CEP290: variants seen among roughly 807,000 people sequenced by gnomAD.
CEP290 encodes centrosomal protein 290, also known as centrosomal protein of 290 kDa.
Under a neutral mutation model 344.9 loss-of-function variants are expected in CEP290, and 317 were observed. That is an observed-to-expected ratio of 0.92 (90% CI 0.84 to 1.01). The LOEUF is 1.01. Ranked by LOEUF, CEP290 falls within the 50% of genes least tolerant of loss-of-function variation. CEP290 has a pLI of 0.00. For missense variants in CEP290, 2,754 were observed against 2,761.4 expected (o/e 1.00, Z 0.06); for synonymous variants, 932 against 895.8 (o/e 1.04, Z -0.72).
chr12:88,130,683 T>C, intron 7 of CEP290, 118 bp from the exon 8 acceptor site: 2 of 684,190 alleles, frequency 2.9e-6, no homozygotes, highest in Non-Finnish European at 2.3e-6. Flanking sequence ...CATATTATCT[T>C]GAATAACCAA....
At chr12:88,105,239 A>G (rs1484649188) in intron 25 of CEP290, among the ~76,000 whole-genome samples, 5 of 152,238 alleles carry the variant, frequency 3.3e-5, no homozygotes, top group Non-Finnish European at 5.9e-5. Flanking sequence ...TCAAGACAAT[A>G]TAAGAGTCAA....
rs1222421581 is a variant in CEP290, at chr12:88,136,708, G to T, written c.376C>A (p.Gln126Lys). The change falls in exon 6 of 54, where the codon CAA becomes AAA. Residue 126 changes from glutamine (Q) to lysine (K), a missense_variant. Transcript: ENST00000552810. ...ATGTCCTCCAATTCTCTATCTTTTT[G>T]TTCTAATTGTTTTTCAAGTTGGCAA... ...EICQLEKQLE[Q>K]KDRELEDMEK... 3.1e-6 allele frequency: 5 copies of T among 1,613,192 alleles called. No homozygotes were observed. Among genetic ancestry groups the T allele is most frequent in the Admixed American group, 3.3e-5 (2 of 59,936 alleles).
chr12:88,077,100 A>T, intron 41 of CEP290, 122 bp downstream of exon 41: 1 of 925,112 alleles, frequency 1.1e-6, no homozygotes. Context: ...CCTCAAAATT[A>T]ATACAGAATT....
At chr12:88,109,286 A>G (rs2038510323) in intron 22 of CEP290, 105 bp from the exon 23 acceptor site, 1 of 525,980 alleles carries the variant, frequency 1.9e-6, no homozygotes. Flanking sequence ...GGAAAGTTAA[A>G]AGTCACCAAA....
At chr12:88,094,968 T>A (rs1352034244) in intron 27 of CEP290, among the ~76,000 whole-genome samples, 1 of 152,188 alleles carries the variant, frequency 6.6e-6, no homozygotes, top group Non-Finnish European at 1.5e-5. Context: ...TACTTCATTA[T>A]GTTCTGTATT....
rs1343625012 is a variant in CEP290, at chr12:88,079,131, A to G, written c.5325T>C (p.Asn1775=). The G allele has an allele frequency of 1.3e-6, 2 of 1,597,564 alleles. No homozygotes were observed. The highest frequency in any genetic ancestry group is 2.3e-5 in the South Asian group (2 of 87,178). ...TATGTCGATCAACGATTTGTTGAAC[A>G]TTGAGATGGGCCTCTTTTTGAGAAG... is the stretch of plus-strand genomic sequence containing the variant. The part of the protein sequence containing the change: ...SATSQKEAHL[N]VQQIVDRHTR... Residue 1775 remains asparagine (N), a synonymous_variant, in exon 39 of 54, where the codon AAT becomes AAC. Coordinates refer to ENST00000552810, the MANE Select transcript of CEP290 (RefSeq NM_025114.4).
chr12:88,063,415 A>G (rs934047084), intron 45 of CEP290, among the ~76,000 whole-genome samples: 3 of 152,138 alleles, frequency 2.0e-5, no homozygotes, highest in Non-Finnish European at 4.4e-5. Context: ...TAAAAGAAAC[A>G]AATTATTCTT....
intron 13 of CEP290, among the ~76,000 whole-genome samples, chr12:88,124,548 C>T (rs766868756): frequency 6.6e-6 from 1 of 151,490 alleles, no homozygotes; most frequent in Non-Finnish European, 1.5e-5. Flanking sequence ...TATATATATA[C>T]ACACACACAT....
At chr12:88,091,043 A>T (rs2137309299) in intron 29 of CEP290, among the ~76,000 whole-genome samples, 1 of 152,312 alleles carries the variant, frequency 6.6e-6, no homozygotes, top group Middle Eastern at 3.4e-3. Context: ...TATATAAAAA[A>T]AACTTCATTC....
Position 88,106,682 on chromosome 12 carries a change from C to A in CEP290, c.2810G>T (p.Arg937Ile). 1 of 1,605,340 alleles carries A rather than the reference C, an allele frequency of 6.2e-7. No individual in the cohort carries two copies. Among genetic ancestry groups the A allele is most frequent in the Non-Finnish European group, 8.5e-7 (1 of 1,176,496 alleles). ...AATAAGAATCAGATGTACCTTAAATCTTTGCAAACACCCAATTTTTTCACA... is the reference window on the plus strand; with the variant it reads ...AATAAGAATCAGATGTACCTTAAATATTTGCAAACACCCAATTTTTTCACA... ...EVCEKIGCLQ[R>I]FKEMAIFKIA... is the part of the protein sequence containing the mutation. Residue 937 changes from arginine (R) to isoleucine (I), a missense_variant, in exon 25 of 54, where the codon AGA becomes ATA. Arg to Ile is a moderately conservative substitution (Grantham distance 97). Coordinates refer to ENST00000552810, the MANE Select transcript of CEP290 (RefSeq NM_025114.4).
At chr12:88,104,980 G>A (rs1419407598) in intron 25 of CEP290, among the ~76,000 whole-genome samples, 1 of 152,014 alleles carries the variant, frequency 6.6e-6, no homozygotes, top group Non-Finnish European at 1.5e-5. Flanking sequence ...TGAACTCATG[G>A]TTTAAATATA....
intron 13 of CEP290, among the ~76,000 whole-genome samples, chr12:88,123,860 A>G (rs1160102539): frequency 6.6e-6 from 1 of 151,990 alleles, no homozygotes; most frequent in Non-Finnish European, 1.5e-5. Context: ...TTATCTCTCA[A>G]CCTGCTCTTC....
intron 15 of CEP290, among the ~76,000 whole-genome samples, chr12:88,119,085 T>C (rs570591746): frequency 7.2e-6 from 1 of 138,532 alleles, no homozygotes; most frequent in South Asian, 2.1e-4. Flanking sequence ...ATAGTCCAAG[T>C]TGATCAGAAG....
In CEP290 at chr12:88,050,432, A is replaced by G. The variant is rs759638203; in HGVS notation, c.7131T>C (p.Asp2377=). The change falls in exon 53 of 54, where the codon GAT becomes GAC. Residue 2377 remains aspartate, a splice_region_variant and synonymous_variant. Transcript: ENST00000552810. ...DQSGAESTIP[D]ADQLKEKIKD... ...TTATTTTTTCCTTTAGTTGATCAGC[A>G]TCTGTTGAAAAAGTCATACAAATTA... 2.0e-6 allele frequency: 3 copies of G among 1,504,512 alleles called. No homozygotes were observed. The highest frequency in any genetic ancestry group is 2.7e-6 in the Non-Finnish European group (3 of 1,094,298). 93.2% of individuals were successfully genotyped at this position (1,504,512 alleles called of 1,614,324 possible).
At chr12:88,063,734 C>T (rs921381155) in intron 45 of CEP290, among the ~76,000 whole-genome samples, 1 of 152,084 alleles carries the variant, frequency 6.6e-6, no homozygotes, top group African/African-American at 2.4e-5. Context: ...GTCTTCTCCA[C>T]TAGAACGTAA....
At chr12:88,128,428 T>G (rs1260403012) in intron 11 of CEP290, among the ~76,000 whole-genome samples, 1 of 152,166 alleles carries the variant, frequency 6.6e-6, no homozygotes, top group Non-Finnish European at 1.5e-5. Context: ...ACCATCATAA[T>G]CCCAGCTTCT....
chr12:88,092,633 AAAG>A, intron 29 of CEP290, 45 bp downstream of exon 29: 2 of 1,526,400 alleles, frequency 1.3e-6, no homozygotes, highest in South Asian at 1.3e-5. Context: ...AAGACAAATT[AAAG>A]AAGATACATC....
chr12:88,127,557 A>G (rs1026008778), intron 11 of CEP290, among the ~76,000 whole-genome samples: 1 of 152,220 alleles, frequency 6.6e-6, no homozygotes, highest in African/African-American at 2.4e-5. Context: ...GTTTATACTC[A>G]GAAGCCTTTC....
chr12:88,071,646 A>T, intron 42 of CEP290, 135 bp downstream of exon 42: 1 of 852,746 alleles, frequency 1.2e-6, no homozygotes, highest in Non-Finnish European at 1.7e-6. Flanking sequence ...AATAAAAAGT[A>T]AGTAAATCAT....
Sources: allele counts gnomAD v4.1 joint callset (sites outside exome capture counted in the v4.1 genomes callset), GRCh38; gene constraint gnomAD v4.1.1; transcripts MANE v1.5; gene names NCBI Gene and HGNC (gene_info 2026-07-23, HGNC 2026-07-21).